The following CTNNA2 variants were observed in gnomAD, a reference collection of about 807,000 sequenced individuals.
CTNNA2 encodes catenin alpha 2, also known as catenin alpha-2.
In CTNNA2, 42 loss-of-function variants were observed where a neutral mutation model predicts 101.0. The observed-to-expected ratio is 0.42, with a 90% CI of 0.32 to 0.54. CTNNA2 has a LOEUF of 0.54. Among genes scored for constraint, CTNNA2 ranks in the 20% least tolerant of loss-of-function variants. The probability of loss-of-function intolerance (pLI) is 0.14; values close to 1 mark genes in which losing one functional copy is unlikely to be tolerated. For missense variants in CTNNA2, 871 were observed against 1,223.1 expected, an observed-to-expected ratio of 0.71 and a Z score of 4.29; for synonymous variants, 450 against 456.4, an observed-to-expected ratio of 0.99 and a Z score of 0.18.
intron 7 of CTNNA2, among the ~76,000 whole-genome samples, chr2:80,083,957 G>C (rs114535909): frequency 6.6e-6 from 1 of 152,142 alleles, no homozygotes; most frequent in Admixed American, 6.6e-5. Flanking sequence ...CCACAGAGAG[G>C]TAATGTATCT....
At chr2:79,381,886 C>G (rs771701790) in intron 4 of CTNNA2, among the ~76,000 whole-genome samples, 7 of 152,354 alleles carry the variant, frequency 4.6e-5, no homozygotes, top group Middle Eastern at 3.4e-3. Context: ...TTTAGCAATG[C>G]AAGCATGTTT....
At chr2:79,779,230 C>T (rs193123042) in intron 3 of CTNNA2, among the ~76,000 whole-genome samples, 7 of 151,672 alleles carry the variant, frequency 4.6e-5, no homozygotes, top group Non-Finnish European at 2.9e-5. Context: ...AGGAAGAAAA[C>T]TTCTGGGGTG....
At chr2:79,889,257 A>T (rs2104193417) in intron 6 of CTNNA2, among the ~76,000 whole-genome samples, 1 of 152,298 alleles carries the variant, frequency 6.6e-6, no homozygotes, top group Non-Finnish European at 1.5e-5. Flanking sequence ...TGCTCAACGT[A>T]TTTCCTGAAC....
chr2:79,930,843 A>T (rs770623679), intron 7 of CTNNA2, among the ~76,000 whole-genome samples: 1 of 152,178 alleles, frequency 6.6e-6, no homozygotes, highest in Non-Finnish European at 1.5e-5. Flanking sequence ...AGGTACAGTT[A>T]GGCAGGTCTT....
At chr2:80,375,243 G>A (rs1485552337) in intron 7 of CTNNA2, among the ~76,000 whole-genome samples, 1 of 152,168 alleles carries the variant, frequency 6.6e-6, no homozygotes, top group Admixed American at 6.5e-5. Context: ...ATAGCCTCGG[G>A]AAAGGCACAG....
intron 7 of CTNNA2, among the ~76,000 whole-genome samples, chr2:80,084,447 ATC>A (rs1253060363): frequency 1.3e-5 from 2 of 152,096 alleles, no homozygotes; most frequent in Middle Eastern, 3.2e-3. Flanking sequence ...TTGACTCCAA[ATC>A]TCTCTTTTAG....
chr2:80,571,184 G>A (rs2149696537), intron 12 of CTNNA2, among the ~76,000 whole-genome samples: 1 of 152,218 alleles, frequency 6.6e-6, no homozygotes, highest in Admixed American at 6.5e-5. Context: ...TGCAAATAGA[G>A]GTGTGTTCAT....
chr2:79,968,644 C>A (rs537458905), intron 7 of CTNNA2, among the ~76,000 whole-genome samples: 126 of 152,206 alleles, frequency 8.3e-4, no homozygotes, highest in Non-Finnish European at 1.5e-3. Context: ...CTCAACTCTG[C>A]AAAACCAAAC....
chr2:79,865,869 A>G (rs979141725), intron 4 of CTNNA2, among the ~76,000 whole-genome samples: 6 of 152,184 alleles, frequency 3.9e-5, no homozygotes, highest in Non-Finnish European at 7.3e-5. Flanking sequence ...ATAGGCACCC[A>G]CCACCACGCC....
At chr2:79,314,077 G>T (rs566428687) in intron 3 of CTNNA2, among the ~76,000 whole-genome samples, 2 of 152,198 alleles carry the variant, frequency 1.3e-5, no homozygotes, top group African/African-American at 4.8e-5. Flanking sequence ...CACCTAAGGT[G>T]AGGAATCATT....
At chr2:80,560,590 C>T (rs1693494237) in intron 12 of CTNNA2, among the ~76,000 whole-genome samples, 1 of 152,164 alleles carries the variant, frequency 6.6e-6, no homozygotes, top group African/African-American at 2.4e-5. Context: ...AAACCCTCTG[C>T]ACCATCTGGA....
chr2:80,574,239 G>C lies in CTNNA2; in HGVS notation c.1818G>C (p.Glu606Asp). The stretch of plus-strand genomic sequence containing the variant: ...CCAACGTTCCTCAACCGTTTGAGGA[G>C]AATGAGTTCATCGATGCCTCTCGCC... ...LSANVPQPFE[E>D]NEFIDASRLV... The change falls in exon 13 of 19, where the codon GAG (glutamate) becomes GAC (aspartate). Residue 606 changes from glutamate (E) to aspartate (D), a missense_variant. This residue lies in a region of CTNNA2 where 647 missense variants were observed against 831.5 expected (regional missense o/e 0.78). Coordinates refer to ENST00000402739, the MANE Select transcript of CTNNA2 (RefSeq NM_001282597.3). 6.2e-7 allele frequency: 1 copy of C among 1,613,852 alleles called. No individual in the cohort carries two copies. The highest frequency in any genetic ancestry group is 8.5e-7 in the Non-Finnish European group (1 of 1,179,802).
intron 11 of CTNNA2, among the ~76,000 whole-genome samples, chr2:80,546,809 G>C (rs975943451): frequency 6.6e-6 from 1 of 152,194 alleles, no homozygotes; most frequent in Non-Finnish European, 1.5e-5. Context: ...ATTTGGCCCA[G>C]TTCACCTGGA....
intron 7 of CTNNA2, among the ~76,000 whole-genome samples, chr2:80,327,266 T>C (rs1265914392): frequency 6.6e-6 from 1 of 152,230 alleles, no homozygotes; most frequent in South Asian, 2.1e-4. Flanking sequence ...CCTACAGATT[T>C]GCAAACAGAT....
intron 9 of CTNNA2, among the ~76,000 whole-genome samples, chr2:80,473,370 A>T (rs1341847429): frequency 6.6e-6 from 1 of 152,208 alleles, no homozygotes; most frequent in Non-Finnish European, 1.5e-5. Context: ...AAGAAAACAA[A>T]ACTATCATGA....
At chr2:80,312,206 T>A (rs1677654294) in intron 7 of CTNNA2, among the ~76,000 whole-genome samples, 1 of 152,254 alleles carries the variant, frequency 6.6e-6, no homozygotes. Flanking sequence ...AGAGCACACC[T>A]GGACAGAGGA....
In CTNNA2 at chr2:80,126,634, C is replaced by CCCTTCCTT. The variant is rs1178536900; in HGVS notation, c.1056+216865_1056+216872dup. On this transcript the variant is annotated intron_variant, in intron 7 of 18. Transcript: ENST00000402739. ...TCCCTCCCTCCCTCCCTCCCTCCCTCCCTTCCTTCCTTCCTTCCTTCCTTC... is the reference window on the plus strand; with the variant it reads ...TCCCTCCCTCCCTCCCTCCCTCCCTCCCTTCCTTCCTTCCTTCCTTCCTTCCTTCCTTC... Among the ~76,000 whole-genome samples, 220 of 26,182 alleles carry CCCTTCCTT rather than the reference C, an allele frequency of 8.4e-3. 10 individuals carry two copies. Among genetic ancestry groups the CCCTTCCTT allele is most frequent in the African/African-American group, 0.033 (190 of 5,688 alleles). 17.2% of individuals were successfully genotyped at this position (26,182 alleles called of 152,430 possible).
At chr2:79,195,230 T>C (rs562397110) in intron 1 of CTNNA2, among the ~76,000 whole-genome samples, 1 of 152,302 alleles carries the variant, frequency 6.6e-6, no homozygotes, top group African/African-American at 2.4e-5. Context: ...ATGGCAGCAA[T>C]GAATCCTTAG....
intron 2 of CTNNA2, among the ~76,000 whole-genome samples, chr2:79,669,720 A>C (rs777477185): frequency 6.6e-5 from 10 of 152,142 alleles, no homozygotes; most frequent in Non-Finnish European, 1.5e-4. Context: ...CTCTCAGTGA[A>C]GAGGGTGCTC....
Sources: gnomAD v4.1 joint callset for allele counts (sites outside exome capture counted in the v4.1 genomes callset) on GRCh38, gnomAD v4.1.1 for gene constraint, gnomAD v4.1.1 regional missense constraint, MANE v1.5 for transcripts, NCBI Gene and HGNC (gene_info 2026-07-23, HGNC 2026-07-21) for gene names.